LRRC52: variants seen among roughly 807,000 people sequenced by gnomAD.
LRRC52 encodes leucine rich repeat containing 52.
Under a neutral mutation model 14.7 loss-of-function variants are expected in LRRC52, and 15 were observed. That is an observed-to-expected ratio of 1.02 (90% CI 0.68 to 1.58). The LOEUF (loss-of-function observed/expected upper bound fraction) is 1.58, where lower values mean the gene tolerates loss of function less well. Ranked by LOEUF, LRRC52 falls within the 40% of genes most tolerant of loss-of-function variation. LRRC52 has a pLI of 0.00. For synonymous variants in LRRC52, 180 were observed against 163.9 expected (o/e 1.10, Z -0.75); for missense variants, 400 against 387.7 (o/e 1.03, Z -0.27).
At position 165,544,565 on chromosome 1, in the gene LRRC52, G is replaced by A. The variant is rs374982726; in HGVS notation, c.269G>A (p.Arg90Gln). The A allele has an allele frequency of 2.5e-5, 41 of 1,613,840 alleles. No homozygotes were observed. Among genetic ancestry groups the A allele is most frequent in the African/African-American group, 1.9e-4 (14 of 74,834 alleles). Reference sequence around the variant, plus strand: ...TTGGACTGTCAGAACAACCGGATTCGAGAGGTGATGGATTATACCTTCATC... The same window carrying A: ...TTGGACTGTCAGAACAACCGGATTCAAGAGGTGATGGATTATACCTTCATC... ...VYLDCQNNRI[R>Q]EVMDYTFIGV... Residue 90 changes from arginine to glutamine, a missense_variant, in exon 1 of 2, where the codon CGA (arginine) becomes CAA (glutamine). Arg to Gln is a conservative substitution (Grantham distance 43). Transcript: ENST00000294818.
intron 1 of LRRC52, among the ~76,000 whole-genome samples, chr1:165,561,041 C>A (rs552796565): frequency 7.4e-4 from 112 of 152,112 alleles, no homozygotes; most frequent in African/African-American, 2.6e-3. Context: ...GATAGGGAGC[C>A]CGGGAGGGGA....
At chr1:165,548,636 G>A (rs1040674876) in intron 1 of LRRC52, among the ~76,000 whole-genome samples, 1 of 152,168 alleles carries the variant, frequency 6.6e-6, no homozygotes, top group Non-Finnish European at 1.5e-5. Flanking sequence ...TATAATTCTA[G>A]CCCTGATGCT....
intron 1 of LRRC52, among the ~76,000 whole-genome samples, chr1:165,555,428 T>A (rs1033062019): frequency 6.6e-5 from 10 of 151,882 alleles, no homozygotes; most frequent in African/African-American, 2.4e-4. Flanking sequence ...AGAAATGAGA[T>A]AGAAAATTAC....
At chr1:165,553,944 C>A (rs1329887107) in intron 1 of LRRC52, among the ~76,000 whole-genome samples, 2 of 152,088 alleles carry the variant, frequency 1.3e-5, no homozygotes, top group African/African-American at 2.4e-5. Context: ...TATAAAATAT[C>A]CATTGTCCTT....
chr1:165,550,279 C>T (rs1382213407), intron 1 of LRRC52, among the ~76,000 whole-genome samples: 2 of 152,160 alleles, frequency 1.3e-5, no homozygotes, highest in African/African-American at 2.4e-5. Flanking sequence ...CAAAACCTAG[C>T]CTCATACATC....
chr1:165,544,218 C>CCCCCCCCCCCCCCCCCCCCCCCCCCCCCA lies in LRRC52; in HGVS notation c.-79_-78insCCCCCCCCCCCCCCCCCCCCCCCCCCCCA. 7.7e-7 allele frequency: 1 copy of CCCCCCCCCCCCCCCCCCCCCCCCCCCCCA among 1,297,874 alleles called. No individual in the cohort carries two copies. Among genetic ancestry groups the CCCCCCCCCCCCCCCCCCCCCCCCCCCCCA allele is most frequent in the Non-Finnish European group, 1.0e-6 (1 of 955,460 alleles). The allele number at this position is 1,297,874 out of a possible 1,614,324, so 80.4% of individuals were successfully genotyped here. On this transcript the variant is annotated 5_prime_UTR_variant, in exon 1 of 2. Transcript: ENST00000294818. ...TCTTTCCAGAGCCCCTCCCCCGCCC[C>CCCCCCCCCCCCCCCCCCCCCCCCCCCCCA]ACCCCCCCACCGGCAGCCTTCGGAT...
Position 165,544,212 on chromosome 1 carries a change from C to CCCCCCCCCCCCCCCCCCCG in LRRC52, c.-84_-83insCCCCCCCCCCCCCCCCCGC. On this transcript the variant is annotated 5_prime_UTR_variant, in exon 1 of 2. Coordinates refer to ENST00000294818, the MANE Select transcript of LRRC52 (RefSeq NM_001005214.4). Reference sequence around the variant, plus strand: ...TACAGTTCTTTCCAGAGCCCCTCCCCCGCCCCACCCCCCCACCGGCAGCCT... The same window carrying CCCCCCCCCCCCCCCCCCCG: ...TACAGTTCTTTCCAGAGCCCCTCCCCCCCCCCCCCCCCCCCCCCGCGCCCCACCCCCCCACCGGCAGCCT... 2 of 1,115,186 alleles carry CCCCCCCCCCCCCCCCCCCG rather than the reference C, an allele frequency of 1.8e-6. No individual in the cohort carries two copies. The highest frequency in any genetic ancestry group is 2.5e-6 in the Non-Finnish European group (2 of 805,970). 69.1% of individuals were successfully genotyped at this position (1,115,186 alleles called of 1,614,324 possible).
chr1:165,544,861 A>G lies in LRRC52; in HGVS notation c.565A>G (p.Asn189Asp). 6.2e-7 allele frequency: 1 copy of G among 1,613,864 alleles called. No individual in the cohort carries two copies. Among genetic ancestry groups the G allele is most frequent in the Non-Finnish European group, 8.5e-7 (1 of 1,179,798 alleles). ...LFLSGNPWKC[N>D]CSFLDFAIFL... ...TCTGAGTGGAAACCCCTGGAAGTGC[A>G]ACTGCTCTTTCCTGGACTTCGCCAT... Residue 189 changes from asparagine to aspartate, a missense_variant, in exon 1 of 2, where the codon AAC becomes GAC. Asn to Asp is a conservative substitution (Grantham distance 23). Coordinates refer to ENST00000294818, the MANE Select transcript of LRRC52 (RefSeq NM_001005214.4).
rs757562327 is a variant in LRRC52 at position 165,544,623 on chromosome 1, C to T, written c.327C>T (p.Ser109=). Residue 109 remains serine (S), a synonymous_variant, in exon 1 of 2, where the codon AGC becomes AGT. Transcript: ENST00000294818. ...GVFKLIYLDL[S]SNNLTSISPF... is the part of the protein sequence containing the mutation. ...TCAAACTCATCTACCTTGACCTCAG[C>T]TCCAACAACCTAACCTCGATCTCCC... 2.5e-6 allele frequency: 4 copies of T among 1,613,918 alleles called. No individual in the cohort carries two copies. The East Asian group carries it at 6.7e-5, about 27-fold the overall frequency.
rs758472016 is a variant in LRRC52 at position 165,544,668 on chromosome 1, C to T, written c.372C>T (p.Leu124=). 21 of 1,614,132 alleles carry T rather than the reference C, an allele frequency of 1.3e-5. No individual in the cohort carries two copies. Among genetic ancestry groups the T allele is most frequent in the Admixed American group, 3.3e-5 (2 of 60,010 alleles). Residue 124 remains leucine, a synonymous_variant, in exon 1 of 2, where the codon CTC becomes CTT. Coordinates refer to ENST00000294818, the MANE Select transcript of LRRC52 (RefSeq NM_001005214.4). The part of the protein sequence containing the change: ...TSISPFTFSV[L]SNLVQLNIAN... ...TCTCCCCATTCACTTTCTCGGTGCT[C>T]AGCAACCTGGTGCAGCTGAACATTG...
intron 1 of LRRC52, among the ~76,000 whole-genome samples, chr1:165,549,485 G>A (rs1661086773): frequency 6.6e-6 from 1 of 152,186 alleles, no homozygotes; most frequent in Non-Finnish European, 1.5e-5. Context: ...TCCCAATTAT[G>A]TGTTATGATC....
In LRRC52 at chr1:165,563,688, G is replaced by A. The variant is rs1476929982; in HGVS notation, c.806G>A (p.Cys269Tyr). 6.2e-7 allele frequency: 1 copy of A among 1,614,172 alleles called. No individual in the cohort carries two copies. The highest frequency in any genetic ancestry group is 2.2e-5 in the East Asian group (1 of 44,884). Residue 269 changes from cysteine to tyrosine, a missense_variant, in exon 2 of 2, where the codon TGT becomes TAT. Physicochemically the swap from Cys to Tyr is radical, Grantham distance 194 (BLOSUM62 -2). Coordinates refer to ENST00000294818, the MANE Select transcript of LRRC52 (RefSeq NM_001005214.4). Reference sequence around the variant, plus strand: ...GTGGCTGCCTGGCTCACAGGTGTGTGTGCTGTGCTCTACCAGAACACCCGC... The same window carrying A: ...GTGGCTGCCTGGCTCACAGGTGTGTATGCTGTGCTCTACCAGAACACCCGC... ...GTVAAWLTGVCAVLYQNTRHK... is the reference protein window; with the variant it reads ...GTVAAWLTGVYAVLYQNTRHK...
intron 1 of LRRC52, among the ~76,000 whole-genome samples, chr1:165,552,903 G>C (rs541017453): frequency 3.3e-5 from 5 of 152,298 alleles, no homozygotes; most frequent in African/African-American, 1.2e-4. Flanking sequence ...GGCTTGGACA[G>C]TGTGGGGGCT....
At chr1:165,546,467 A>G (rs1661022061) in intron 1 of LRRC52, among the ~76,000 whole-genome samples, 1 of 152,204 alleles carries the variant, frequency 6.6e-6, no homozygotes, top group Non-Finnish European at 1.5e-5. Context: ...AAACTGTGAT[A>G]GTGTCTAGAA....
intron 1 of LRRC52, among the ~76,000 whole-genome samples, chr1:165,555,301 T>C (rs1239587226): frequency 6.6e-6 from 1 of 151,782 alleles, no homozygotes; most frequent in Non-Finnish European, 1.5e-5. Flanking sequence ...GCCAAGGAAA[T>C]ATTACAAGGG....
chr1:165,550,218 G>A (rs1661103365), intron 1 of LRRC52, among the ~76,000 whole-genome samples: 1 of 152,168 alleles, frequency 6.6e-6, no homozygotes, highest in South Asian at 2.1e-4. Context: ...GGGTTGAATG[G>A]CTTTCAGGAG....
At chr1:165,546,968 C>T (rs1661032133) in intron 1 of LRRC52, among the ~76,000 whole-genome samples, 1 of 152,084 alleles carries the variant, frequency 6.6e-6, no homozygotes, top group Admixed American at 6.6e-5. Flanking sequence ...GCTTTCATCC[C>T]CCAGCCGTGG....
intron 1 of LRRC52, among the ~76,000 whole-genome samples, chr1:165,559,871 A>G (rs1198080428): frequency 6.6e-6 from 1 of 152,238 alleles, no homozygotes; most frequent in Non-Finnish European, 1.5e-5. Context: ...ATATTTGCCT[A>G]ATTATTTCAG....
In LRRC52 at chr1:165,544,489, A is replaced by G. The variant is rs753113632; in HGVS notation, c.193A>G (p.Ile65Val). The G allele has an allele frequency of 3.1e-5, 50 of 1,614,142 alleles. No homozygotes were observed. The highest frequency in any genetic ancestry group is 4.2e-5 in the Non-Finnish European group (50 of 1,180,018). The change falls in exon 1 of 2, where the codon ATC becomes GTC. Residue 65 changes from isoleucine (I) to valine (V), a missense_variant. Coordinates refer to ENST00000294818, the MANE Select transcript of LRRC52 (RefSeq NM_001005214.4). ...GAGGCTGTTCCTGAACGAGAACAGA[A>G]TCACTAGTTTGCCAGCAATGCATCT... ...TRRLFLNENR[I>V]TSLPAMHLGL...
Sources: allele counts gnomAD v4.1 joint callset (sites outside exome capture counted in the v4.1 genomes callset), GRCh38; gene constraint gnomAD v4.1.1; transcripts MANE v1.5; gene names NCBI Gene and HGNC (gene_info 2026-07-23, HGNC 2026-07-21).